Variants in DCC observed in about 807,000 individuals in gnomAD.
DCC encodes DCC netrin 1 receptor.
DCC carries 58 observed loss-of-function variants against 172.5 expected under a neutral mutation model. The observed-to-expected ratio is 0.34, with a 90% CI of 0.27 to 0.42. The LOEUF is 0.42. Among genes scored for constraint, DCC ranks in the 10% least tolerant of loss-of-function variants. DCC has a pLI of 1.00. For missense variants in DCC, 1,740 were observed against 1,791.0 expected (o/e 0.97, Z 0.51); for synonymous variants, 709 against 644.5 (o/e 1.10, Z -1.52).
At chr18:53,069,620 CAAA>C (rs72121087) in intron 7 of DCC, among the ~76,000 whole-genome samples, 5 of 113,390 alleles carry the variant, frequency 4.4e-5, no homozygotes, top group Non-Finnish European at 4.1e-5. Flanking sequence ...TCCACAAAAA[CAAA>C]AAAAAAAAAA....
In DCC at chr18:53,095,196, A is replaced by G. The variant is rs568901184; in HGVS notation, c.1261+29030A>G. On this transcript the variant is annotated intron_variant, in intron 7 of 28. Transcript: ENST00000442544. ...AGAGGTTTAATATAAATTTATTCCA[A>G]TTGTTATTGCCAGTGCTCATTTCAG... is the stretch of plus-strand genomic sequence containing the variant. 7.2e-5 allele frequency among the ~76,000 whole-genome samples: 11 copies of G among 152,218 alleles called. No individual in the cohort carries two copies. The South Asian group carries it at 1.2e-3, about 17-fold the overall frequency.
chr18:52,700,782 A>G (rs2036111671), intron 1 of DCC, among the ~76,000 whole-genome samples: 1 of 152,206 alleles, frequency 6.6e-6, no homozygotes, highest in Non-Finnish European at 1.5e-5. Flanking sequence ...TAAATGATCA[A>G]TATTTTCACA....
intron 1 of DCC, among the ~76,000 whole-genome samples, chr18:52,672,877 G>A (rs2035578820): frequency 6.6e-6 from 1 of 151,990 alleles, no homozygotes. Flanking sequence ...GACCAGCCTG[G>A]GCAACATAGC....
intron 5 of DCC, among the ~76,000 whole-genome samples, chr18:53,042,562 A>G (rs976227791): frequency 2.0e-5 from 3 of 151,738 alleles, no homozygotes; most frequent in Non-Finnish European, 4.4e-5. Flanking sequence ...ATTGTTTGGA[A>G]TAGTTTCAGA....
chr18:53,039,670 C>T (rs1453188956), intron 5 of DCC, among the ~76,000 whole-genome samples: 3 of 151,964 alleles, frequency 2.0e-5, no homozygotes, highest in Non-Finnish European at 4.4e-5. Flanking sequence ...GCCTCACCTC[C>T]ACATCTCTCT....
chr18:53,373,138 A>T (rs1015453720), intron 15 of DCC, among the ~76,000 whole-genome samples: 2 of 152,204 alleles, frequency 1.3e-5, no homozygotes, highest in Non-Finnish European at 2.9e-5. Context: ...TAAAGCAATC[A>T]TGCACAAAAT....
intron 22 of DCC, 130 bp from the exon 23 acceptor site, chr18:53,450,370 G>T: frequency 1.1e-6 from 1 of 918,410 alleles, no homozygotes. Flanking sequence ...TGCTTCCCTC[G>T]AACTCCCATC....
At chr18:53,089,715 G>A (rs373699648) in intron 7 of DCC, among the ~76,000 whole-genome samples, 1 of 152,162 alleles carries the variant, frequency 6.6e-6, no homozygotes, top group Middle Eastern at 3.4e-3. Context: ...GCCATATCGT[G>A]GTTATACTTT....
chr18:52,651,194 G>A (rs1182942916), intron 1 of DCC, among the ~76,000 whole-genome samples: 8 of 152,174 alleles, frequency 5.3e-5, no homozygotes, highest in African/African-American at 1.2e-4. Flanking sequence ...AGTAGGTGTC[G>A]CTCTGTTGGC....
intron 5 of DCC, among the ~76,000 whole-genome samples, chr18:52,963,110 AATT>A (rs1369102772): frequency 1.3e-5 from 2 of 151,832 alleles, no homozygotes; most frequent in Admixed American, 6.6e-5. Context: ...ATTATAATAA[AATT>A]AAAAAAATAA....
chr18:53,498,072 C>A (rs1383849350), intron 26 of DCC, among the ~76,000 whole-genome samples: 8 of 152,180 alleles, frequency 5.3e-5, no homozygotes, highest in African/African-American at 1.7e-4. Flanking sequence ...ACCCAGAAGA[C>A]CTCTAACCCC....
chr18:52,410,976 A>G (rs567538299), intron 1 of DCC, among the ~76,000 whole-genome samples: 1 of 152,298 alleles, frequency 6.6e-6, no homozygotes, highest in East Asian at 1.9e-4. Context: ...TTTACATTGT[A>G]ATATGACTGG....
At chr18:53,528,905 C>T (rs1026063641) in intron 28 of DCC, among the ~76,000 whole-genome samples, 1 of 151,622 alleles carries the variant, frequency 6.6e-6, no homozygotes, top group African/African-American at 2.4e-5. Context: ...TAGTGGTTGC[C>T]GTATTATACA....
chr18:53,395,191 T>C (rs1908848584), intron 17 of DCC, among the ~76,000 whole-genome samples: 1 of 151,802 alleles, frequency 6.6e-6, no homozygotes, highest in African/African-American at 2.4e-5. Flanking sequence ...AGGTACCATC[T>C]GGTTATTCTG....
chr18:52,725,951 A>G (rs1225680977), intron 1 of DCC, among the ~76,000 whole-genome samples: 1 of 152,194 alleles, frequency 6.6e-6, no homozygotes, highest in African/African-American at 2.4e-5. Flanking sequence ...TACATACATT[A>G]TCTTATTTAT....
At chr18:52,607,296 T>C (rs1262938998) in intron 1 of DCC, among the ~76,000 whole-genome samples, 2 of 152,090 alleles carry the variant, frequency 1.3e-5, no homozygotes. Context: ...ATTTTTCACT[T>C]AGCCCCTACT....
intron 2 of DCC, among the ~76,000 whole-genome samples, chr18:52,868,067 G>A (rs1162822810): frequency 6.8e-6 from 1 of 148,130 alleles, no homozygotes; most frequent in Non-Finnish European, 1.5e-5. Context: ...GTGTGTGTGT[G>A]TGTGTGTGTG....
rs34924244 is a variant in DCC at position 52,815,411 on chromosome 18, T to TACACACAC, written c.412+63056_412+63063dup. 7.7e-3 allele frequency among the ~76,000 whole-genome samples: 1,156 copies of TACACACAC among 150,108 alleles called. 20 individuals are homozygous for TACACACAC. In the East Asian group the frequency reaches 0.081, roughly 11 times the overall value. ...TCACTTGCGCTTGCCTTCTCACACGTACACACACACACACACACACACACA... is the reference window on the plus strand; with the variant it reads ...TCACTTGCGCTTGCCTTCTCACACGTACACACACACACACACACACACACACACACACA... On this transcript the variant is annotated intron_variant, in intron 2 of 28. Coordinates refer to ENST00000442544, the MANE Select transcript of DCC (RefSeq NM_005215.4).
chr18:52,734,924 G>C (rs961354004), intron 1 of DCC, among the ~76,000 whole-genome samples: 22 of 152,082 alleles, frequency 1.4e-4, no homozygotes, highest in African/African-American at 4.8e-4. Flanking sequence ...AATATTTTCT[G>C]GGTGACATAA....
Sources: gnomAD v4.1 joint callset for allele counts (sites outside exome capture counted in the v4.1 genomes callset) on GRCh38, gnomAD v4.1.1 for gene constraint, MANE v1.5 for transcripts, NCBI Gene and HGNC (gene_info 2026-07-23, HGNC 2026-07-21) for gene names.